Variants in GALNT17 observed in about 807,000 individuals in gnomAD.
GALNT17 encodes UDP-GalNAc:polypeptide N-acetylgalactosaminyltransferase-like 3.
Under a neutral mutation model 63.7 loss-of-function variants are expected in GALNT17, and 29 were observed. That is an observed-to-expected ratio of 0.46 (90% confidence interval 0.34 to 0.62). The LOEUF is 0.62. GALNT17 is among the 20% of genes least tolerant of loss of function. The pLI, the probability that GALNT17 is intolerant of heterozygous loss-of-function variation, is 0.01. For missense variants in GALNT17, 603 were observed against 799.6 expected (o/e 0.75, Z 2.97); for synonymous variants, 305 against 318.3 (o/e 0.96, Z 0.45).
At chr7:71,166,022 C>T (rs371453944) in intron 1 of GALNT17, among the ~76,000 whole-genome samples, 10 of 152,054 alleles carry the variant, frequency 6.6e-5, no homozygotes, top group South Asian at 2.1e-4. Context: ...TCATGTACCA[C>T]GCAATGCATA....
At chr7:71,287,076 C>T (rs1040460339) in intron 1 of GALNT17, among the ~76,000 whole-genome samples, 2 of 151,816 alleles carry the variant, frequency 1.3e-5, no homozygotes, top group Non-Finnish European at 2.9e-5. Flanking sequence ...CTGCGTCCAG[C>T]TGCTTTTAAG....
At position 71,476,932 on chromosome 7, in the gene GALNT17, C is replaced by T. The variant is rs186099109; in HGVS notation, c.962+55827C>T. Among the ~76,000 whole-genome samples the T allele has an allele frequency of 1.8e-3, 270 of 152,194 alleles. 1 individual carries two copies. Among genetic ancestry groups the T allele is most frequent in the Admixed American group, 4.0e-3 (61 of 15,278 alleles). On this transcript the variant is annotated intron_variant, in intron 5 of 10. Coordinates refer to ENST00000333538, the MANE Select transcript of GALNT17 (RefSeq NM_022479.3). Reference sequence around the variant, plus strand: ...AGATCCCACAGGGTAGGGGGAGGCGCCAGGAGCCCAGGGACCAGAGAGGCA... The same window carrying T: ...AGATCCCACAGGGTAGGGGGAGGCGTCAGGAGCCCAGGGACCAGAGAGGCA...
chr7:71,201,925 G>C (rs373153251), intron 1 of GALNT17, among the ~76,000 whole-genome samples: 1 of 152,174 alleles, frequency 6.6e-6, no homozygotes, highest in Non-Finnish European at 1.5e-5. Flanking sequence ...GAGCCACTGC[G>C]CCTGGCCTAC....
chr7:71,700,363 G>A (rs146211749), intron 9 of GALNT17, among the ~76,000 whole-genome samples: 1 of 151,540 alleles, frequency 6.6e-6, no homozygotes, highest in Admixed American at 6.6e-5. Context: ...TCTCAAATCT[G>A]TCTTCTTCTA....
At chr7:71,634,618 G>A (rs1435998392) in intron 6 of GALNT17, among the ~76,000 whole-genome samples, 2 of 151,992 alleles carry the variant, frequency 1.3e-5, no homozygotes, top group African/African-American at 2.4e-5. Context: ...GCCATGTGTG[G>A]TGGCCAGTAC....
chr7:71,369,683 C>T (rs182972958), intron 2 of GALNT17, among the ~76,000 whole-genome samples: 69 of 152,004 alleles, frequency 4.5e-4, no homozygotes, highest in African/African-American at 1.6e-3. Context: ...TGTCATGGCA[C>T]GCGCCTGTAA....
At chr7:71,391,250 A>G (rs1793045186) in intron 3 of GALNT17, among the ~76,000 whole-genome samples, 1 of 152,102 alleles carries the variant, frequency 6.6e-6, no homozygotes, top group Admixed American at 6.5e-5. Flanking sequence ...ATCGGGCTGG[A>G]TTGGGGTGAA....
chr7:71,308,458 T>A (rs909147076), intron 1 of GALNT17, among the ~76,000 whole-genome samples: 3 of 152,126 alleles, frequency 2.0e-5, no homozygotes, highest in Non-Finnish European at 4.4e-5. Flanking sequence ...AGGGAGGGAA[T>A]GAATAGGATT....
intron 1 of GALNT17, among the ~76,000 whole-genome samples, chr7:71,291,885 G>C (rs1790986080): frequency 6.6e-6 from 1 of 151,640 alleles, no homozygotes; most frequent in African/African-American, 2.4e-5. Flanking sequence ...TCTGTTTTCT[G>C]GTGCATTAAT....
chr7:71,212,560 T>C (rs1585885129), intron 1 of GALNT17, among the ~76,000 whole-genome samples: 1 of 152,192 alleles, frequency 6.6e-6, no homozygotes, highest in African/African-American at 2.4e-5. Context: ...CACTGACAGC[T>C]TGCACCGTGC....
chr7:71,399,508 G>T (rs1793202953), intron 3 of GALNT17, among the ~76,000 whole-genome samples: 1 of 152,086 alleles, frequency 6.6e-6, no homozygotes, highest in Admixed American at 6.5e-5. Context: ...TCAATTTCAT[G>T]GCTGTTGTCT....
At chr7:71,677,048 T>C (rs1301102696) in intron 8 of GALNT17, among the ~76,000 whole-genome samples, 163 bp from the exon 9 acceptor site, 1 of 152,126 alleles carries the variant, frequency 6.6e-6, no homozygotes, top group East Asian at 1.9e-4. Context: ...TGATCTTTCT[T>C]GTTAAGGTGA....
At chr7:71,599,370 T>C (rs1789932725) in intron 6 of GALNT17, among the ~76,000 whole-genome samples, 1 of 152,168 alleles carries the variant, frequency 6.6e-6, no homozygotes, top group Admixed American at 6.5e-5. Context: ...GGAGGATGAC[T>C]GCTTGGGCAA....
chr7:71,646,577 A>T (rs1312086175), intron 6 of GALNT17, among the ~76,000 whole-genome samples: 1 of 152,202 alleles, frequency 6.6e-6, no homozygotes, highest in East Asian at 1.9e-4. Context: ...AGTTCCTTGC[A>T]TGCATAAGTT....
At chr7:71,333,383 G>A (rs143487640) in intron 1 of GALNT17, among the ~76,000 whole-genome samples, 1,568 of 152,108 alleles carry the variant, frequency 0.01, 49 homozygotes, top group Admixed American at 0.06. Flanking sequence ...ACTATATTTT[G>A]TTTCTCCAGT....
chr7:71,212,359 A>G (rs1286090269), intron 1 of GALNT17, among the ~76,000 whole-genome samples: 2 of 152,226 alleles, frequency 1.3e-5, no homozygotes, highest in African/African-American at 4.8e-5. Context: ...ATTTTAAAAG[A>G]TGTATGGAAA....
intron 2 of GALNT17, among the ~76,000 whole-genome samples, chr7:71,386,343 C>A (rs965617129): frequency 6.6e-6 from 1 of 152,210 alleles, no homozygotes; most frequent in African/African-American, 2.4e-5. Context: ...TCTCTCACTC[C>A]ATGGCTTCAT....
chr7:71,312,112 T>C (rs1235597577), intron 1 of GALNT17, among the ~76,000 whole-genome samples: 1 of 152,242 alleles, frequency 6.6e-6, no homozygotes, highest in Non-Finnish European at 1.5e-5. Flanking sequence ...ATCCATGCCT[T>C]AATTTGCATG....
intron 5 of GALNT17, among the ~76,000 whole-genome samples, chr7:71,548,098 CTGG>C (rs1789016706): frequency 6.6e-6 from 1 of 151,698 alleles, no homozygotes; most frequent in Non-Finnish European, 1.5e-5. Context: ...TAAAAATTAG[CTGG>C]TGTAGTGGCG....
Sources: allele counts gnomAD v4.1 joint callset (sites outside exome capture counted in the v4.1 genomes callset), GRCh38; gene constraint gnomAD v4.1.1; transcripts MANE v1.5; gene names NCBI Gene and HGNC (gene_info 2026-07-23, HGNC 2026-07-21).